The following KANSL3 variants were observed in gnomAD, a reference collection of about 807,000 sequenced individuals.
KANSL3 encodes the protein KAT8 regulatory NSL complex subunit 3.
Under a neutral mutation model 89.2 loss-of-function variants are expected in KANSL3, and 16 were observed. The ratio of observed to expected loss-of-function variants is 0.18; its 90% CI spans 0.12 to 0.27. The LOEUF is 0.27. KANSL3 is among the 10% of genes least tolerant of loss of function. The pLI, the probability that KANSL3 is intolerant of heterozygous loss-of-function variation, is 1.00. For synonymous variants in KANSL3, 385 were observed against 419.7 expected, an observed-to-expected ratio of 0.92 and a Z score of 1.01; for missense variants, 879 against 1,110.6, an observed-to-expected ratio of 0.79 and a Z score of 2.96.
downstream of KANSL3, among the ~76,000 whole-genome samples, chr2:96,592,925 C>T (rs557647003): frequency 1.5e-4 from 23 of 152,082 alleles, no homozygotes; most frequent in Admixed American, 2.6e-4. Flanking sequence ...ATTGCTTGAA[C>T]ACAGGAGGCG....
chr2:96,631,240 T>C, intron 3 of KANSL3, 72 bp downstream of exon 3: 1 of 1,096,888 alleles, frequency 9.1e-7, no homozygotes, highest in South Asian at 1.3e-5. Context: ...AAGGTCCTAA[T>C]AAGTGTTATT....
chr2:96,607,046 T>C (rs2068085456), intron 14 of KANSL3: 1 of 1,288,196 alleles, frequency 7.8e-7, no homozygotes, highest in African/African-American at 1.5e-5. Context: ...CAGCAAACTG[T>C]GCTGGAATGA....
the KANSL3 span, among the ~76,000 whole-genome samples, chr2:96,585,545 A>T: frequency 2.0e-5 from 3 of 152,230 alleles, no homozygotes; most frequent in Admixed American, 2.0e-4. Flanking sequence ...CACTATGGAG[A>T]ACAGTATGGA....
intron 14 of KANSL3, 198 bp from the exon 15 acceptor site, chr2:96,605,709 A>G (rs2067882034): frequency 1.4e-5 from 6 of 423,264 alleles, no homozygotes; most frequent in Non-Finnish European, 2.6e-5. Flanking sequence ...GGGGGACCCC[A>G]CTTTGCCCTT....
At position 96,604,302 on chromosome 2, in the gene KANSL3, C is replaced by G; in HGVS notation, c.2097G>C (p.Leu699Phe). ...VVSSSTAPSA[L>F]HTLQSRLVAT... Reference sequence around the variant, plus strand: ...CCACCAGGCGGCTCTGCAGTGTGTGCAAGGCACTGGGTGCAGTGCTGCTGG... The same window carrying G: ...CCACCAGGCGGCTCTGCAGTGTGTGGAAGGCACTGGGTGCAGTGCTGCTGG... Residue 699 changes from leucine to phenylalanine, a missense_variant, in exon 17 of 21, where the codon TTG (leucine) becomes TTC (phenylalanine). Coordinates refer to ENST00000431828, the MANE Select transcript of KANSL3 (RefSeq NM_001115016.3). 6.2e-7 allele frequency: 1 copy of G among 1,613,294 alleles called. No individual in the cohort carries two copies. The highest frequency in any genetic ancestry group is 8.5e-7 in the Non-Finnish European group (1 of 1,179,814).
chr2:96,608,116 G>A (rs574026687), intron 14 of KANSL3, among the ~76,000 whole-genome samples: 2 of 152,212 alleles, frequency 1.3e-5, no homozygotes, highest in Non-Finnish European at 2.9e-5. Flanking sequence ...ACGCTTCAAG[G>A]GTCAAACAAA....
intron 5 of KANSL3, among the ~76,000 whole-genome samples, chr2:96,615,924 A>G (rs1012141188): frequency 6.6e-6 from 1 of 152,194 alleles, no homozygotes; most frequent in Non-Finnish European, 1.5e-5. Flanking sequence ...AGAAGCCCAA[A>G]CTGCTATGAT....
intron 3 of KANSL3, among the ~76,000 whole-genome samples, chr2:96,626,654 T>C (rs1430057980): frequency 6.6e-6 from 1 of 152,198 alleles, no homozygotes; most frequent in African/African-American, 2.4e-5. Context: ...TAAATGTCTT[T>C]CAAAAGCTAT....
rs2074313051 is a variant in KANSL3 at position 96,636,798 on chromosome 2, T to A, written c.215+123A>T. 3 of 823,898 alleles carry A rather than the reference T, an allele frequency of 3.6e-6. No individual in the cohort carries two copies. In the South Asian group the frequency reaches 5.8e-5, roughly 16 times the overall value. The allele number at this position is 823,898 out of a possible 1,614,324, so 51.0% of individuals were successfully genotyped here. On this transcript the variant is annotated intron_variant, in intron 2 of 20. Transcript: ENST00000431828. Reference sequence around the variant, plus strand: ...ATCCTTATGCTGCTTAAGAGATGCCTGAATTTAACATCCAAATGCCTCATA... The same window carrying A: ...ATCCTTATGCTGCTTAAGAGATGCCAGAATTTAACATCCAAATGCCTCATA...
chr2:96,611,905 G>GTGTGTGTGTGTGTGTC (rs1558704051), intron 9 of KANSL3, among the ~76,000 whole-genome samples: 2 of 86,628 alleles, frequency 2.3e-5, no homozygotes, highest in African/African-American at 3.1e-5. Context: ...ATACCCATAT[G>GTGTGTGTGTGTGTGTC]TGTGTGTGTG....
At chr2:96,605,572 T>C (rs1277191192) in intron 14 of KANSL3, 61 bp from the exon 15 acceptor site, 1 of 1,365,942 alleles carries the variant, frequency 7.3e-7, no homozygotes, top group Admixed American at 1.7e-5. Context: ...AGACACTCAG[T>C]CAATACCAGC....
At chr2:96,617,420 T>G (rs1188524880) in intron 5 of KANSL3, among the ~76,000 whole-genome samples, 28 of 152,140 alleles carry the variant, frequency 1.8e-4, no homozygotes, top group Admixed American at 1.8e-3. Flanking sequence ...CTAACAAACT[T>G]GGCACCCTTT....
intron 11 of KANSL3, chr2:96,610,452 A>C: frequency 3.9e-6 from 1 of 255,072 alleles, no homozygotes; most frequent in Non-Finnish European, 7.8e-6. Context: ...AGTAGCTGGG[A>C]CTACAGGCGC....
chr2:96,585,943 T>C, the KANSL3 span, among the ~76,000 whole-genome samples: 1 of 152,100 alleles, frequency 6.6e-6, no homozygotes, highest in Non-Finnish European at 1.5e-5. Context: ...ATGATATAAT[T>C]GGGCTGGGCG....
the KANSL3 span, among the ~76,000 whole-genome samples, chr2:96,584,365 G>C: frequency 6.6e-6 from 1 of 152,158 alleles, no homozygotes; most frequent in Admixed American, 6.5e-5. Flanking sequence ...TTATGGGGCA[G>C]AGTACAATAT....
At chr2:96,623,965 G>A (rs958300515) in intron 3 of KANSL3, among the ~76,000 whole-genome samples, 1 of 152,220 alleles carries the variant, frequency 6.6e-6, no homozygotes, top group African/African-American at 2.4e-5. Context: ...CCCCCTTTTG[G>A]GGGTACTAGA....
rs1417184625 is a variant in KANSL3, at chr2:96,612,297, A to T, written c.1071T>A (p.Ala357=). The change falls in exon 9 of 21, where the codon GCT becomes GCA. Residue 357 remains alanine (A), a synonymous_variant. Transcript: ENST00000431828. ...AATTACTTACATGACAGGCCACCAA[A>T]GCTCCTGTGTTCCAGCCAATCAAGA... ...PIILIGWNTG[A]LVACHVSVME... The T allele has an allele frequency of 6.2e-7, 1 of 1,612,922 alleles. No individual in the cohort carries two copies. The highest frequency in any genetic ancestry group is 2.2e-5 in the East Asian group (1 of 44,882).
chr2:96,610,450 G>C lies in KANSL3; in HGVS notation c.1319+276C>G, dbSNP rs181435476. On this transcript the variant is annotated intron_variant, in intron 11 of 20. Coordinates refer to ENST00000431828, the MANE Select transcript of KANSL3 (RefSeq NM_001115016.3). ...CCTGCCTCAGCCTCCCGAGTAGCTGGGACTACAGGCGCCCGACACCAGGCC... is the reference window on the plus strand; with the variant it reads ...CCTGCCTCAGCCTCCCGAGTAGCTGCGACTACAGGCGCCCGACACCAGGCC... The C allele has an allele frequency of 6.1e-4, 152 of 250,668 alleles. 2 individuals are homozygous for C. In the East Asian group the frequency reaches 0.011, roughly 18 times the overall value. 15.5% of individuals were successfully genotyped at this position (250,668 alleles called of 1,614,324 possible).
intron 20 of KANSL3, among the ~76,000 whole-genome samples, chr2:96,598,430 T>C (rs547545461): frequency 2.0e-5 from 3 of 152,174 alleles, no homozygotes; most frequent in Non-Finnish European, 4.4e-5. Context: ...GCAAATAGAA[T>C]AGACATGCTT....
Sources: allele counts gnomAD v4.1 joint callset (sites outside exome capture counted in the v4.1 genomes callset), GRCh38; gene constraint gnomAD v4.1.1; transcripts MANE v1.5; gene names NCBI Gene and HGNC (gene_info 2026-07-23, HGNC 2026-07-21).